Variants in CDH9 observed in about 807,000 individuals in gnomAD.
The protein encoded by CDH9 is cadherin 9.
In CDH9, 28 loss-of-function variants were observed where a neutral mutation model predicts 70.9. The observed-to-expected ratio is 0.40, with a 90% CI of 0.29 to 0.54. The LOEUF (loss-of-function observed/expected upper bound fraction) is 0.54. CDH9 is among the 20% of genes least tolerant of loss of function. The probability of loss-of-function intolerance (pLI) is 0.59; values close to 1 mark genes in which losing one functional copy is unlikely to be tolerated. For synonymous variants in CDH9, 409 were observed against 343.1 expected (o/e 1.19, Z -2.12); for missense variants, 874 against 984.4 (o/e 0.89, Z 1.50).
chr5:27,037,589 G>A lies in CDH9; in HGVS notation c.-50+874C>T, dbSNP rs148081371. Among the ~76,000 whole-genome samples the A allele has an allele frequency of 3.3e-5, 5 of 152,028 alleles. No homozygotes were observed. In the East Asian group the frequency reaches 7.8e-4, roughly 24 times the overall value. On this transcript the variant is annotated intron_variant, in intron 1 of 11. Transcript: ENST00000231021. ...AAAATCCAAGCCTTTATTGAGACGAGCCTACCTGCAAAAATTTATTTGATG... is the reference window on the plus strand; with the variant it reads ...AAAATCCAAGCCTTTATTGAGACGAACCTACCTGCAAAAATTTATTTGATG...
intron 2 of CDH9, among the ~76,000 whole-genome samples, chr5:26,952,000 T>TTTTA (rs1553999933): frequency 8.0e-5 from 12 of 150,404 alleles, no homozygotes; most frequent in African/African-American, 2.7e-4. Context: ...TTTTATTTTA[T>TTTTA]GACAGAGTAT....
At chr5:26,965,650 C>A (rs1324163160) in intron 2 of CDH9, among the ~76,000 whole-genome samples, 1 of 150,816 alleles carries the variant, frequency 6.6e-6, no homozygotes, top group Non-Finnish European at 1.5e-5. Context: ...GCTTTATGAA[C>A]AGGAAACAAA....
intron 1 of CDH9, among the ~76,000 whole-genome samples, chr5:27,018,407 A>G (rs1743082337): frequency 6.6e-6 from 1 of 151,858 alleles, no homozygotes; most frequent in Non-Finnish European, 1.5e-5. Flanking sequence ...ACCCATATGT[A>G]ATTGTAATTG....
chr5:26,970,185 G>A (rs976449854), intron 2 of CDH9, among the ~76,000 whole-genome samples: 6 of 151,352 alleles, frequency 4.0e-5, no homozygotes, highest in South Asian at 2.1e-4. Flanking sequence ...TAAAAATACC[G>A]AATTATAATA....
At chr5:26,893,569 T>C (rs1023802949) in intron 7 of CDH9, among the ~76,000 whole-genome samples, 1 of 152,170 alleles carries the variant, frequency 6.6e-6, no homozygotes, top group Non-Finnish European at 1.5e-5. Context: ...TGACATATGA[T>C]TGCTGCCCAA....
At chr5:26,964,312 C>T (rs1022900970) in intron 2 of CDH9, among the ~76,000 whole-genome samples, 3 of 152,080 alleles carry the variant, frequency 2.0e-5, no homozygotes, top group Non-Finnish European at 2.9e-5. Flanking sequence ...CAAAAAGAAA[C>T]AGTTGTTTCT....
At chr5:27,013,487 T>C (rs2112117531) in intron 1 of CDH9, among the ~76,000 whole-genome samples, 1 of 152,086 alleles carries the variant, frequency 6.6e-6, no homozygotes, top group African/African-American at 2.4e-5. Context: ...CACCAGCATC[T>C]CGCTATTATA....
At chr5:26,919,198 G>A (rs1561195012) in intron 2 of CDH9, among the ~76,000 whole-genome samples, 1 of 152,130 alleles carries the variant, frequency 6.6e-6, no homozygotes, top group Non-Finnish European at 1.5e-5. Context: ...TGAATTGGCT[G>A]GACCACTCTT....
intron 2 of CDH9, among the ~76,000 whole-genome samples, chr5:26,954,380 C>T (rs1323344294): frequency 1.2e-4 from 6 of 48,248 alleles, no homozygotes; most frequent in Non-Finnish European, 1.2e-4. Flanking sequence ...CGCTATTATA[C>T]AGCCTTTCTT....
chr5:26,881,742 T>C, intron 11 of CDH9, 119 bp from the exon 12 acceptor site: 1 of 859,756 alleles, frequency 1.2e-6, no homozygotes, highest in Non-Finnish European at 1.8e-6. Flanking sequence ...ATAAAAAGAA[T>C]TAACTACCCT....
intron 1 of CDH9, among the ~76,000 whole-genome samples, chr5:27,034,359 C>T (rs973409664): frequency 6.6e-6 from 1 of 151,318 alleles, no homozygotes; most frequent in Non-Finnish European, 1.5e-5. Flanking sequence ...CGTGTTTCAT[C>T]GATCAATTAG....
chr5:26,966,981 G>A (rs1742139895), intron 2 of CDH9, among the ~76,000 whole-genome samples: 1 of 152,092 alleles, frequency 6.6e-6, no homozygotes, highest in Non-Finnish European at 1.5e-5. Flanking sequence ...TGCCCAGGCT[G>A]GAGTGCAGTG....
At chr5:26,949,869 T>C (rs550251209) in intron 2 of CDH9, among the ~76,000 whole-genome samples, 28 of 152,290 alleles carry the variant, frequency 1.8e-4, no homozygotes, top group Middle Eastern at 6.8e-3. Context: ...ATAAGAACTT[T>C]AGCAGAGGTC....
At chr5:27,011,481 CAAAG>C (rs1243990897) in intron 1 of CDH9, among the ~76,000 whole-genome samples, 1 of 151,948 alleles carries the variant, frequency 6.6e-6, no homozygotes, top group Non-Finnish European at 1.5e-5. Context: ...CTAGAAAAGA[CAAAG>C]AAAGATGCTA....
chr5:26,915,781 G>A lies in CDH9; in HGVS notation c.372C>T (p.Tyr124=), dbSNP rs371722464. 1.6e-5 allele frequency: 26 copies of A among 1,613,454 alleles called. No homozygotes were observed. The highest frequency in any genetic ancestry group is 2.2e-5 in the Non-Finnish European group (26 of 1,179,602). The stretch of plus-strand genomic sequence containing the variant: ...TGTCTATAGCCTTGGCACGAAGAAT[G>A]TACAGAGATTTTTCTTCTCTGTCTA... ...KKLDREEKSL[Y]ILRAKAIDRK... is the part of the protein sequence containing the mutation. Residue 124 remains tyrosine, a synonymous_variant, in exon 3 of 12, where the codon TAC becomes TAT. Transcript: ENST00000231021.
At chr5:27,015,015 A>G (rs1019214236) in intron 1 of CDH9, among the ~76,000 whole-genome samples, 29 of 151,960 alleles carry the variant, frequency 1.9e-4, no homozygotes, top group African/African-American at 6.5e-4. Context: ...GAAGACTGCG[A>G]TGCAAGGATC....
At chr5:27,035,191 ATT>A (rs1743371724) in intron 1 of CDH9, among the ~76,000 whole-genome samples, 1 of 146,570 alleles carries the variant, frequency 6.8e-6, no homozygotes, top group South Asian at 2.1e-4. Context: ...ATATATATAT[ATT>A]TAACTTGACA....
chr5:26,994,020 C>G (rs1290151566), intron 1 of CDH9, among the ~76,000 whole-genome samples: 2 of 152,080 alleles, frequency 1.3e-5, no homozygotes, highest in Non-Finnish European at 2.9e-5. Flanking sequence ...TTGCTTTGGA[C>G]CTGTCATCCT....
intron 2 of CDH9, among the ~76,000 whole-genome samples, chr5:26,971,446 G>A (rs1194897376): frequency 1.3e-5 from 2 of 152,108 alleles, no homozygotes; most frequent in Non-Finnish European, 2.9e-5. Flanking sequence ...TCAGCATTAA[G>A]TAATCCATTG....
Sources: gnomAD v4.1 joint callset for allele counts (sites outside exome capture counted in the v4.1 genomes callset) on GRCh38, gnomAD v4.1.1 for gene constraint, MANE v1.5 for transcripts, NCBI Gene and HGNC (gene_info 2026-07-23, HGNC 2026-07-21) for gene names.